NUSAP1: variants seen among roughly 807,000 people sequenced by gnomAD.
NUSAP1 encodes nucleolar and spindle associated protein 1, also known as nucleolar and spindle-associated protein 1.
In NUSAP1, 32 loss-of-function variants were observed where a neutral mutation model predicts 52.8. The ratio of observed to expected loss-of-function variants is 0.61; its 90% CI spans 0.46 to 0.81. The LOEUF (loss-of-function observed/expected upper bound fraction) is 0.81, where lower values mean the gene tolerates loss of function less well. NUSAP1 is among the 40% of genes least tolerant of loss of function. The probability of loss-of-function intolerance (pLI) is 0.00; values close to 1 mark genes in which losing one functional copy is unlikely to be tolerated. For synonymous variants in NUSAP1, 195 were observed against 183.1 expected (o/e 1.06, Z -0.52); for missense variants, 499 against 522.3 (o/e 0.96, Z 0.43).
At chr15:41,347,176 C>CA (rs937713414) in intron 2 of NUSAP1, among the ~76,000 whole-genome samples, 10 of 151,074 alleles carry the variant, frequency 6.6e-5, no homozygotes, top group African/African-American at 2.2e-4. Flanking sequence ...TGTCTCAAAA[C>CA]AAAAAAAATA....
chr15:41,378,600 A>G (rs561706951), intron 10 of NUSAP1, among the ~76,000 whole-genome samples: 15 of 152,198 alleles, frequency 9.9e-5, no homozygotes, highest in Non-Finnish European at 2.1e-4. Context: ...GAGAAACCCC[A>G]TCTCTACTAA....
intron 1 of NUSAP1, among the ~76,000 whole-genome samples, chr15:41,341,513 C>T (rs1015725283): frequency 2.0e-5 from 3 of 152,162 alleles, no homozygotes; most frequent in Admixed American, 6.5e-5. Flanking sequence ...CCCCCTAAGA[C>T]CCCGTCACCT....
chr15:41,343,248 G>A (rs958890624), intron 2 of NUSAP1: 2 of 152,250 alleles, frequency 1.3e-5, no homozygotes, highest in Non-Finnish European at 2.9e-5. Context: ...GCTGATGGCT[G>A]ATGGGAGTTG....
At chr15:41,364,426 G>A (rs1364906831) in intron 6 of NUSAP1, among the ~76,000 whole-genome samples, 1 of 151,768 alleles carries the variant, frequency 6.6e-6, no homozygotes, top group Non-Finnish European at 1.5e-5. Flanking sequence ...GGTGCCTGTA[G>A]TCCCAGCTAT....
At chr15:41,355,184 T>C (rs555339910) in intron 4 of NUSAP1, among the ~76,000 whole-genome samples, 1 of 150,686 alleles carries the variant, frequency 6.6e-6, no homozygotes, top group South Asian at 2.1e-4. Flanking sequence ...TATTTATTTA[T>C]TTTTTTTGAG....
intron 4 of NUSAP1, among the ~76,000 whole-genome samples, chr15:41,353,075 C>A (rs1382462239): frequency 6.6e-6 from 1 of 152,062 alleles, no homozygotes; most frequent in Non-Finnish European, 1.5e-5. Context: ...TAGGTTGTTT[C>A]TTTGTGAAGT....
chr15:41,372,954 G>A (rs1252259160), intron 8 of NUSAP1, among the ~76,000 whole-genome samples: 2 of 152,082 alleles, frequency 1.3e-5, no homozygotes, highest in Admixed American at 1.3e-4. Context: ...CGGGCATGGT[G>A]GCATGCACCT....
chr15:41,360,214 T>C (rs1042563794), intron 6 of NUSAP1, among the ~76,000 whole-genome samples: 22 of 151,732 alleles, frequency 1.4e-4, no homozygotes, highest in African/African-American at 5.3e-4. Flanking sequence ...TATTGGCTCA[T>C]TGCAACCTCC....
At chr15:41,353,268 A>G (rs1269566039) in intron 4 of NUSAP1, among the ~76,000 whole-genome samples, 3 of 152,042 alleles carry the variant, frequency 2.0e-5, no homozygotes, top group Non-Finnish European at 2.9e-5. Flanking sequence ...CCACTGCCTC[A>G]ACCTCCCAAG....
At chr15:41,341,325 A>G (rs1016219693) in intron 1 of NUSAP1, among the ~76,000 whole-genome samples, 1 of 152,048 alleles carries the variant, frequency 6.6e-6, no homozygotes, top group African/African-American at 2.4e-5. Context: ...CGGCCTCCCA[A>G]AGTGCTGGAA....
At chr15:41,376,563 C>T (rs1045797146) in intron 9 of NUSAP1, among the ~76,000 whole-genome samples, 1 of 150,196 alleles carries the variant, frequency 6.7e-6, no homozygotes, top group Admixed American at 6.7e-5. Context: ...TGGTGGCGGG[C>T]GCCTGTAGTC....
Position 41,371,801 on chromosome 15 carries a change from G to A in NUSAP1, c.1006+117G>A, listed in dbSNP as rs1006765800. ...TTGTTTTTTTCTGAGATGGAGTTTCGCTTTTGTCACCCAGGCTAGAGTGTA... is the reference window on the plus strand; with the variant it reads ...TTGTTTTTTTCTGAGATGGAGTTTCACTTTTGTCACCCAGGCTAGAGTGTA... On this transcript the variant is annotated intron_variant, in intron 8 of 10. Coordinates refer to ENST00000559596, the MANE Select transcript of NUSAP1 (RefSeq NM_016359.5). The A allele has an allele frequency of 1.5e-4, 183 of 1,213,718 alleles. 1 individual carries two copies. Among genetic ancestry groups the A allele is most frequent in the African/African-American group, 7.8e-5 (5 of 63,750 alleles). The allele number at this position is 1,213,718 out of a possible 1,614,324, so 75.2% of individuals were successfully genotyped here. A position where few individuals can be genotyped will look rare whatever the true frequency, so the allele number is the denominator to read the frequency against.
chr15:41,378,777 G>GA (rs576632279), intron 10 of NUSAP1, among the ~76,000 whole-genome samples: 2 of 150,174 alleles, frequency 1.3e-5, no homozygotes, highest in Non-Finnish European at 1.5e-5. Flanking sequence ...TCTCAAAAAA[G>GA]AAAAAAGAAA....
chr15:41,357,469 G>C (rs912885178), intron 5 of NUSAP1, among the ~76,000 whole-genome samples: 1 of 151,256 alleles, frequency 6.6e-6, no homozygotes, highest in South Asian at 2.1e-4. Flanking sequence ...TTGAGACGAA[G>C]TTTTGCTCTT....
rs60034914 is a variant in NUSAP1 at position 41,370,749 on chromosome 15, CAAAAAAA to C, written c.849-761_849-755del. Among the ~76,000 whole-genome samples the C allele has an allele frequency of 4.3e-3, 302 of 70,766 alleles. 1 individual carries two copies. Among genetic ancestry groups the C allele is most frequent in the African/African-American group, 0.01 (222 of 21,230 alleles). 46.4% of individuals were successfully genotyped at this position (70,766 alleles called of 152,430 possible). On this transcript the variant is annotated intron_variant, in intron 7 of 10. Transcript: ENST00000559596. ...TGGGCGACCGAGCAAAACTCCATCTCAAAAAAAAAAAAAAAAAAAAAAATTAGCCAGG... is the reference window on the plus strand; with the variant it reads ...TGGGCGACCGAGCAAAACTCCATCTCAAAAAAAAAAAAAAAATTAGCCAGG...
intron 8 of NUSAP1, among the ~76,000 whole-genome samples, chr15:41,373,801 T>C (rs1208439813): frequency 6.6e-6 from 1 of 151,126 alleles, no homozygotes; most frequent in Non-Finnish European, 1.5e-5. Context: ...TTCCTGACTT[T>C]AAACAATCCT....
rs1207890754 is a variant in NUSAP1 at position 41,349,151 on chromosome 15, C to T, written c.216C>T (p.Ser72=). Residue 72 remains serine, a synonymous_variant, in exon 3 of 11, where the codon AGC becomes AGT. Transcript: ENST00000559596. ...SSCDETEIQI[S]NQEEAERQPL... ...GTGATGAGACTGAGATACAGATCAG[C>T]AACCAGGAAGAAGCTGAGAGACAGC... is the stretch of plus-strand genomic sequence containing the variant. 1.9e-6 allele frequency: 3 copies of T among 1,613,738 alleles called. No individual in the cohort carries two copies. The highest frequency in any genetic ancestry group is 2.5e-6 in the Non-Finnish European group (3 of 1,179,806).
At chr15:41,368,819 A>G (rs1373627860) in intron 7 of NUSAP1, among the ~76,000 whole-genome samples, 1 of 132,620 alleles carries the variant, frequency 7.5e-6, no homozygotes, top group Non-Finnish European at 1.5e-5. Flanking sequence ...TACGACCTCC[A>G]TCTCCTGGGT....
At chr15:41,372,109 A>C (rs1306143920) in intron 8 of NUSAP1, among the ~76,000 whole-genome samples, 2 of 152,096 alleles carry the variant, frequency 1.3e-5, no homozygotes, top group Non-Finnish European at 2.9e-5. Context: ...TATAATCAAA[A>C]GCAAAAATTT....
Sources: allele counts gnomAD v4.1 joint callset (sites outside exome capture counted in the v4.1 genomes callset), GRCh38; gene constraint gnomAD v4.1.1; transcripts MANE v1.5; gene names NCBI Gene and HGNC (gene_info 2026-07-23, HGNC 2026-07-21).